SRBD1: variants seen among roughly 807,000 people sequenced by gnomAD.
SRBD1 encodes the protein S1 RNA-binding domain-containing protein 1.
In SRBD1, 88 loss-of-function variants were observed where a neutral mutation model predicts 115.3. The ratio of observed to expected loss-of-function variants is 0.76; its 90% CI spans 0.64 to 0.91. SRBD1 has a LOEUF of 0.91. Among genes scored for constraint, SRBD1 ranks in the 40% least tolerant of loss-of-function variants. The probability of loss-of-function intolerance (pLI) is 0.00; values close to 1 mark genes in which losing one functional copy is unlikely to be tolerated. For missense variants in SRBD1, 1,385 were observed against 1,177.4 expected, an observed-to-expected ratio of 1.18 and a Z score of -2.58; for synonymous variants, 509 against 407.7, an observed-to-expected ratio of 1.25 and a Z score of -2.99.
At position 45,414,932 on chromosome 2, in the gene SRBD1, C is replaced by CATAT. The variant is rs370661224; in HGVS notation, c.2334-1640_2334-1639insATAT. On this transcript the variant is annotated intron_variant, in intron 18 of 20. Coordinates refer to ENST00000263736, the MANE Select transcript of SRBD1 (RefSeq NM_018079.5). ...AGTGTGTATATAGTATGTACACACA[C>CATAT]AGTGTTATATAGTATGTACATACAC... Among the ~76,000 whole-genome samples, 20 of 109,822 alleles carry CATAT rather than the reference C, an allele frequency of 1.8e-4. 2 individuals carry two copies. Among genetic ancestry groups the CATAT allele is most frequent in the East Asian group, 4.5e-4 (2 of 4,400 alleles). The allele number at this position is 109,822 out of a possible 152,430, so 72.0% of individuals were successfully genotyped here. A position where few individuals can be genotyped will look rare whatever the true frequency, so the allele number is the denominator to read the frequency against.
At chr2:45,507,498 T>A (rs1342714390) in intron 14 of SRBD1, among the ~76,000 whole-genome samples, 1 of 151,924 alleles carries the variant, frequency 6.6e-6, no homozygotes, top group Non-Finnish European at 1.5e-5. Flanking sequence ...CGGGTGTGGA[T>A]CACCTGAGGT....
chr2:45,431,045 T>A (rs947589296), intron 16 of SRBD1, among the ~76,000 whole-genome samples: 2 of 152,118 alleles, frequency 1.3e-5, no homozygotes, highest in Admixed American at 1.3e-4. Flanking sequence ...AAAAAGCTCA[T>A]CATCACTGGT....
intron 10 of SRBD1, among the ~76,000 whole-genome samples, chr2:45,555,443 G>A (rs1245129148): frequency 6.6e-6 from 1 of 151,058 alleles, no homozygotes; most frequent in African/African-American, 2.4e-5. Context: ...TGGATTTCAA[G>A]GCCTCCTCCC....
At chr2:45,522,627 T>G (rs113563038) in intron 14 of SRBD1, among the ~76,000 whole-genome samples, 62 of 152,330 alleles carry the variant, frequency 4.1e-4, no homozygotes, top group African/African-American at 1.1e-3. Flanking sequence ...TTCCTCCATT[T>G]CTGCCATCCC....
chr2:45,558,156 T>G (rs192183776), intron 10 of SRBD1, among the ~76,000 whole-genome samples: 1 of 152,094 alleles, frequency 6.6e-6, no homozygotes, highest in Non-Finnish European at 1.5e-5. Context: ...GACACAAAAA[T>G]CTGCAAACTC....
intron 16 of SRBD1, among the ~76,000 whole-genome samples, chr2:45,465,354 A>C (rs753140420): frequency 6.6e-6 from 1 of 152,106 alleles, no homozygotes; most frequent in Non-Finnish European, 1.5e-5. Context: ...TAATTAGTTG[A>C]ATTTGGAAGC....
In SRBD1 at chr2:45,585,617, T is replaced by G. The variant is rs1673495008; in HGVS notation, c.806A>C (p.Glu269Ala). Residue 269 changes from glutamate (E) to alanine (A), a missense_variant, in exon 5 of 21, where the codon GAA (glutamate) becomes GCA (alanine). Coordinates refer to ENST00000263736, the MANE Select transcript of SRBD1 (RefSeq NM_018079.5). Reference protein sequence around the residue: ...DSLREVQQTLEELRAVAKKVH... With the variant: ...DSLREVQQTLAELRAVAKKVH... The stretch of plus-strand genomic sequence containing the variant: ...TTTTTAGGTTTCTTACCGTAGCTCT[T>G]CTAGGGTTTGCTGAACTTCTCTCAA... 8 of 1,611,062 alleles carry G rather than the reference T, an allele frequency of 5.0e-6. No individual in the cohort carries two copies. Among genetic ancestry groups the G allele is most frequent in the Non-Finnish European group, 6.8e-6 (8 of 1,179,220 alleles).
intron 4 of SRBD1, among the ~76,000 whole-genome samples, chr2:45,592,962 G>T (rs1400554819): frequency 6.6e-6 from 1 of 152,120 alleles, no homozygotes; most frequent in African/African-American, 2.4e-5. Context: ...TAAAAACAGA[G>T]AACAAGTCTT....
Position 45,513,213 on chromosome 2 carries a change from A to G in SRBD1, c.1875-24882T>C, listed in dbSNP as rs569013964. 5.2e-4 allele frequency among the ~76,000 whole-genome samples: 79 copies of G among 152,280 alleles called. 3 individuals are homozygous for G. In the South Asian group the frequency reaches 0.016, roughly 31 times the overall value. On this transcript the variant is annotated intron_variant, in intron 14 of 20. Transcript: ENST00000263736. The stretch of plus-strand genomic sequence containing the variant: ...ATAGGATAGCATGCCAGAGAGCTGG[A>G]CAGATCTTTCCCCACATTCTTCATC...
At chr2:45,457,259 A>C (rs1424327812) in intron 16 of SRBD1, among the ~76,000 whole-genome samples, 1 of 151,962 alleles carries the variant, frequency 6.6e-6, no homozygotes, top group Admixed American at 6.6e-5. Flanking sequence ...AGATTTGGGA[A>C]GCTAAAATTA....
intron 16 of SRBD1, among the ~76,000 whole-genome samples, chr2:45,433,743 A>C (rs560397791): frequency 6.6e-6 from 1 of 152,354 alleles, no homozygotes; most frequent in Non-Finnish European, 1.5e-5. Flanking sequence ...GCTATTTAAA[A>C]ACCTATGTGT....
At chr2:45,530,818 A>G (rs1005676412) in intron 14 of SRBD1, among the ~76,000 whole-genome samples, 3 of 152,018 alleles carry the variant, frequency 2.0e-5, no homozygotes, top group Non-Finnish European at 4.4e-5. Context: ...TACTTTGCCT[A>G]TGTCAACAAA....
At chr2:45,488,123 C>A (rs1218307714) in intron 15 of SRBD1, 117 bp downstream of exon 15, 3 of 780,850 alleles carry the variant, frequency 3.8e-6, no homozygotes, top group Non-Finnish European at 6.3e-6. Flanking sequence ...TATGCCAATT[C>A]TTATGCATGT....
chr2:45,399,590 G>C (rs1279099641), intron 19 of SRBD1, among the ~76,000 whole-genome samples: 2 of 152,076 alleles, frequency 1.3e-5, no homozygotes, highest in Non-Finnish European at 2.9e-5. Flanking sequence ...AGTTATAACA[G>C]ATTACATCTT....
chr2:45,417,652 AGTTTAT>A (rs1213887986), intron 18 of SRBD1, among the ~76,000 whole-genome samples: 2 of 152,246 alleles, frequency 1.3e-5, no homozygotes, highest in Non-Finnish European at 2.9e-5. Context: ...CATGCTAAGA[AGTTTAT>A]CTAACAAGCT....
chr2:45,471,762 T>G (rs766484856), intron 16 of SRBD1, among the ~76,000 whole-genome samples: 54 of 152,286 alleles, frequency 3.5e-4, no homozygotes, highest in Non-Finnish European at 8.8e-5. Context: ...AGAAATTTGT[T>G]TCTTCCACAG....
rs138880952 is a variant in SRBD1 at position 45,598,023 on chromosome 2, G to A, written c.648+1426C>T. ...ATAACCTTAAAAAGCGTTAGAAAAGGAAAAGAGAAGGGAAGTGGTACATGT... is the reference window on the plus strand; with the variant it reads ...ATAACCTTAAAAAGCGTTAGAAAAGAAAAAGAGAAGGGAAGTGGTACATGT... On this transcript the variant is annotated intron_variant, in intron 4 of 20. Coordinates refer to ENST00000263736, the MANE Select transcript of SRBD1 (RefSeq NM_018079.5). Among the ~76,000 whole-genome samples the A allele has an allele frequency of 5.4e-3, 826 of 152,316 alleles. 7 individuals carry two copies. Among genetic ancestry groups the A allele is most frequent in the African/African-American group, 0.019 (776 of 41,570 alleles).
chr2:45,473,916 G>A (rs1256483158), intron 16 of SRBD1, among the ~76,000 whole-genome samples: 2 of 152,142 alleles, frequency 1.3e-5, no homozygotes, highest in Non-Finnish European at 2.9e-5. Flanking sequence ...TCAGATGAAC[G>A]CTGAAGGTTT....
At chr2:45,558,685 A>ATTTTTT (rs1214807980) in intron 10 of SRBD1, among the ~76,000 whole-genome samples, 43 of 89,468 alleles carry the variant, frequency 4.8e-4, no homozygotes, top group Non-Finnish European at 5.9e-4. Flanking sequence ...CCACACAATT[A>ATTTTTT]TTTTTTTTTT....
Sources: allele counts gnomAD v4.1 joint callset (sites outside exome capture counted in the v4.1 genomes callset), GRCh38; gene constraint gnomAD v4.1.1; transcripts MANE v1.5; gene names NCBI Gene and HGNC (gene_info 2026-07-23, HGNC 2026-07-21).